GALNT18: variants seen among roughly 807,000 people sequenced by gnomAD.
The protein encoded by GALNT18 is polypeptide N-acetylgalactosaminyltransferase 18.
Under a neutral mutation model 69.5 loss-of-function variants are expected in GALNT18, and 44 were observed. That is an observed-to-expected ratio of 0.63 (90% CI 0.50 to 0.81). The LOEUF (loss-of-function observed/expected upper bound fraction) is 0.81, where lower values mean the gene tolerates loss of function less well. GALNT18 is among the 40% of genes least tolerant of loss of function. The probability of loss-of-function intolerance (pLI) is 0.00; values close to 1 mark genes in which losing one functional copy is unlikely to be tolerated. For synonymous variants in GALNT18, 364 were observed against 318.2 expected, an observed-to-expected ratio of 1.14 and a Z score of -1.53; for missense variants, 715 against 810.0, an observed-to-expected ratio of 0.88 and a Z score of 1.42.
intron 1 of GALNT18, among the ~76,000 whole-genome samples, chr11:11,499,729 C>T (rs1048115848): frequency 2.6e-5 from 4 of 152,228 alleles, no homozygotes; most frequent in African/African-American, 9.7e-5. Context: ...CTACATGGTG[C>T]CCTAGCTATA....
intron 3 of GALNT18, among the ~76,000 whole-genome samples, chr11:11,429,719 G>T (rs1855223446): frequency 6.6e-6 from 1 of 152,216 alleles, no homozygotes; most frequent in African/African-American, 2.4e-5. Flanking sequence ...CAGAATCTAT[G>T]ACTTCAGGCT....
Position 11,573,330 on chromosome 11 carries a change from G to A in GALNT18, c.235+48029C>T, listed in dbSNP as rs963769201. On this transcript the variant is annotated intron_variant, in intron 1 of 10. Transcript: ENST00000227756. The surrounding 1 kb of genome is among the most constrained non-coding windows in gnomAD (Gnocchi z 4.6). ...ACAGTGCCTGTGGGAAGGCTGGGCA[G>A]ACTGAAATAAAAGGGATTTCTGCCT... Among the ~76,000 whole-genome samples, 1 of 152,206 alleles carries A rather than the reference G, an allele frequency of 6.6e-6. No individual in the cohort carries two copies. Among genetic ancestry groups the A allele is most frequent in the African/African-American group, 2.4e-5 (1 of 41,454 alleles).
At chr11:11,349,734 C>T (rs1016263687) in intron 6 of GALNT18, among the ~76,000 whole-genome samples, 2 of 152,176 alleles carry the variant, frequency 1.3e-5, no homozygotes, top group African/African-American at 4.8e-5. Flanking sequence ...GTGCACTTTA[C>T]TTGGTGTTCT....
chr11:11,275,829 G>A (rs1848932219), intron 10 of GALNT18, among the ~76,000 whole-genome samples: 1 of 152,170 alleles, frequency 6.6e-6, no homozygotes, highest in African/African-American at 2.4e-5. Context: ...GTTTGTCAAA[G>A]ATCAGATTGT....
intron 1 of GALNT18, among the ~76,000 whole-genome samples, chr11:11,536,802 G>A (rs1030915829): frequency 3.9e-5 from 6 of 152,204 alleles, no homozygotes; most frequent in Non-Finnish European, 7.3e-5. Context: ...CCACTGTTAT[G>A]CCTTGTGCAT....
chr11:11,270,957 A>G lies in GALNT18; in HGVS notation c.*187T>C. ...TACAACTGCAAAATAGTTTGATATC[A>G]TACCATCACCTACCAATCAGCATCT... On this transcript the variant is annotated 3_prime_UTR_variant, in exon 11 of 11. Coordinates refer to ENST00000227756, the MANE Select transcript of GALNT18 (RefSeq NM_198516.3). 1 of 502,104 alleles carries G rather than the reference A, an allele frequency of 2.0e-6. No homozygotes were observed. Among genetic ancestry groups the G allele is most frequent in the Non-Finnish European group, 3.5e-6 (1 of 282,990 alleles). The allele number at this position is 502,104 out of a possible 1,614,324, so 31.1% of individuals were successfully genotyped here. A position where few individuals can be genotyped will look rare whatever the true frequency, so the allele number is the denominator to read the frequency against.
At chr11:11,567,412 A>G (rs962262979) in intron 1 of GALNT18, among the ~76,000 whole-genome samples, 1 of 152,230 alleles carries the variant, frequency 6.6e-6, no homozygotes, top group Non-Finnish European at 1.5e-5. Flanking sequence ...GAGGCTCGGT[A>G]TCTTAAGGAG....
intron 3 of GALNT18, among the ~76,000 whole-genome samples, chr11:11,388,701 G>C (rs900315903): frequency 6.6e-6 from 1 of 152,092 alleles, no homozygotes; most frequent in African/African-American, 2.4e-5. Context: ...CCCAGGGCTG[G>C]TCTAACGCTC....
At chr11:11,460,199 G>C (rs55639082) in intron 1 of GALNT18, among the ~76,000 whole-genome samples, 13,148 of 152,256 alleles carry the variant, frequency 0.086, 637 homozygotes, top group Non-Finnish European at 0.11. Flanking sequence ...TGCCATGTAA[G>C]GTAACATATT....
Position 11,592,644 on chromosome 11 carries a change from T to C in GALNT18, c.235+28715A>G, listed in dbSNP as rs534453705. On this transcript the variant is annotated intron_variant, in intron 1 of 10. Transcript: ENST00000227756. This position sits in a 1 kb window ranked among gnomAD's most constrained non-coding sequence, Gnocchi z 5.9. Reference sequence around the variant, plus strand: ...AAACCAGAAAGATGGTGAGAAACAGTGGGAACATCCTTCATGTAAAAATCC... The same window carrying C: ...AAACCAGAAAGATGGTGAGAAACAGCGGGAACATCCTTCATGTAAAAATCC... Among the ~76,000 whole-genome samples, 1 of 152,250 alleles carries C rather than the reference T, an allele frequency of 6.6e-6. No homozygotes were observed. Among genetic ancestry groups the C allele is most frequent in the African/African-American group, 2.4e-5 (1 of 41,536 alleles).
At chr11:11,493,267 CAAAAAAA>C (rs142149447) in intron 1 of GALNT18, among the ~76,000 whole-genome samples, 2 of 71,356 alleles carry the variant, frequency 2.8e-5, no homozygotes, top group Admixed American at 3.3e-4. Flanking sequence ...TCCTTCATCT[CAAAAAAA>C]AAAAAAAAAA....
At chr11:11,350,289 G>A (rs924999179) in intron 6 of GALNT18, among the ~76,000 whole-genome samples, 1 of 152,210 alleles carries the variant, frequency 6.6e-6, no homozygotes, top group Non-Finnish European at 1.5e-5. Context: ...TGGACCCAGT[G>A]CTCTGCCTAT....
Position 11,332,578 on chromosome 11 carries a change from G to T in GALNT18, c.1416+116C>A. ...GCAGAACCCAGCGCCCGGTCCCCAG[G>T]CCTACTGCAGTTCTTCATGTGAGCA... On this transcript the variant is annotated intron_variant, in intron 8 of 10. Coordinates refer to ENST00000227756, the MANE Select transcript of GALNT18 (RefSeq NM_198516.3). This position sits in a 1 kb window ranked among gnomAD's most constrained non-coding sequence, Gnocchi z 4.3. 1 of 1,201,586 alleles carries T rather than the reference G, an allele frequency of 8.3e-7. No homozygotes were observed. The highest frequency in any genetic ancestry group is 2.5e-5 in the East Asian group (1 of 40,404). 74.4% of individuals were successfully genotyped at this position (1,201,586 alleles called of 1,614,324 possible).
At chr11:11,566,167 T>C (rs1858646461) in intron 1 of GALNT18, among the ~76,000 whole-genome samples, 1 of 152,230 alleles carries the variant, frequency 6.6e-6, no homozygotes, top group Admixed American at 6.5e-5. Context: ...CAAACGTTAA[T>C]GCACAGGTTG....
At chr11:11,417,129 T>C (rs7948269) in intron 3 of GALNT18, among the ~76,000 whole-genome samples, 3,474 of 152,338 alleles carry the variant, frequency 0.023, 136 homozygotes, top group African/African-American at 0.08. Flanking sequence ...CATCTGAGTC[T>C]ACAACCCAGG....
chr11:11,281,224 C>T (rs765927358), intron 10 of GALNT18, among the ~76,000 whole-genome samples: 5 of 152,150 alleles, frequency 3.3e-5, no homozygotes, highest in African/African-American at 1.2e-4. Context: ...AGCTAGGATG[C>T]TGAGGACACA....
At chr11:11,419,596 CA>C (rs58012512) in intron 3 of GALNT18, among the ~76,000 whole-genome samples, 1,782 of 26,582 alleles carry the variant, frequency 0.067, 41 homozygotes, top group African/African-American at 0.14. Context: ...GATCCTGTCT[CA>C]AAAAAAAAAA....
At chr11:11,412,164 G>A (rs182147332) in intron 3 of GALNT18, among the ~76,000 whole-genome samples, 10 of 152,184 alleles carry the variant, frequency 6.6e-5, no homozygotes, top group South Asian at 6.2e-4. Context: ...CTTCAACACC[G>A]TTGCCAACCA....
intron 6 of GALNT18, among the ~76,000 whole-genome samples, chr11:11,359,533 C>A (rs1850599233): frequency 6.6e-6 from 1 of 152,172 alleles, no homozygotes; most frequent in East Asian, 1.9e-4. Flanking sequence ...TAGTAATCCC[C>A]CATCTGTCTC....
Sources: gnomAD v4.1 joint callset for allele counts (sites outside exome capture counted in the v4.1 genomes callset) on GRCh38, gnomAD v4.1.1 for gene constraint, Gnocchi (gnomAD v3.1) non-coding constraint, MANE v1.5 for transcripts, NCBI Gene and HGNC (gene_info 2026-07-23, HGNC 2026-07-21) for gene names.